Variants in RALGAPA2 observed in about 807,000 individuals in gnomAD.
The protein encoded by RALGAPA2 is ral GTPase-activating protein subunit alpha-2.
In RALGAPA2, 139 loss-of-function variants were observed where a neutral mutation model predicts 230.4. The observed-to-expected ratio is 0.60, with a 90% CI of 0.53 to 0.69. The LOEUF (loss-of-function observed/expected upper bound fraction) is 0.69. Ranked by LOEUF, RALGAPA2 falls within the 30% of genes least tolerant of loss-of-function variation. The pLI is 0.00. For missense variants in RALGAPA2, 2,163 were observed against 2,276.0 expected (o/e 0.95, Z 1.01); for synonymous variants, 847 against 837.8 (o/e 1.01, Z -0.19).
rs200385783 is a variant in RALGAPA2, at chr20:20,533,466, AC to A, written c.3474-1672del. Among the ~76,000 whole-genome samples, 1,113 of 152,312 alleles carry A rather than the reference AC, an allele frequency of 7.3e-3. 11 individuals are homozygous for A. The highest frequency in any genetic ancestry group is 0.026 in the African/African-American group (1,067 of 41,584). On this transcript the variant is annotated intron_variant, in intron 26 of 39. Transcript: ENST00000202677. ...TAGGACAATTCTAAACTTTTACGCA[AC>A]TAATCACATAGCCTCAAAATATATA...
intron 1 of RALGAPA2, among the ~76,000 whole-genome samples, chr20:20,701,994 C>T (rs758248948): frequency 9.7e-5 from 14 of 144,498 alleles, no homozygotes; most frequent in Non-Finnish European, 1.8e-4. Context: ...GAGCCAAGAT[C>T]GCACCACTGC....
intron 37 of RALGAPA2, chr20:20,471,209 T>C (rs1338682221): frequency 3.3e-5 from 5 of 152,132 alleles, no homozygotes; most frequent in Non-Finnish European, 7.4e-5. Flanking sequence ...TTCTGAATAG[T>C]ATCCTTTGAA....
At chr20:20,708,132 T>C (rs375256669) in intron 1 of RALGAPA2, among the ~76,000 whole-genome samples, 27 of 152,214 alleles carry the variant, frequency 1.8e-4, no homozygotes, top group African/African-American at 6.0e-4. Context: ...GCATTTTATA[T>C]TGATTACCTG....
intron 24 of RALGAPA2, among the ~76,000 whole-genome samples, chr20:20,545,322 G>T (rs1222559771): frequency 6.6e-6 from 1 of 151,838 alleles, no homozygotes; most frequent in Non-Finnish European, 1.5e-5. Flanking sequence ...TTGGCTTCCT[G>T]AGTCTCCTAT....
chr20:20,574,636 C>A (rs2145946371), intron 20 of RALGAPA2, among the ~76,000 whole-genome samples: 1 of 152,232 alleles, frequency 6.6e-6, no homozygotes, highest in Non-Finnish European at 1.5e-5. Flanking sequence ...AAATTTATTT[C>A]ATAGTATGTA....
At chr20:20,551,935 T>A (rs758229479) in intron 23 of RALGAPA2, among the ~76,000 whole-genome samples, 6 of 152,192 alleles carry the variant, frequency 3.9e-5, no homozygotes, top group South Asian at 2.1e-4. Flanking sequence ...TGCACAGCTA[T>A]AATTTAGTGC....
intron 27 of RALGAPA2, among the ~76,000 whole-genome samples, chr20:20,527,360 G>A (rs1020403601): frequency 2.0e-5 from 3 of 152,110 alleles, no homozygotes; most frequent in Non-Finnish European, 4.4e-5. Context: ...GCACTCAGGG[G>A]CTCTTCACAG....
chr20:20,523,824 T>C (rs1164058994), intron 30 of RALGAPA2, among the ~76,000 whole-genome samples: 2 of 152,224 alleles, frequency 1.3e-5, no homozygotes, highest in Admixed American at 6.5e-5. Flanking sequence ...ACATGTTCCA[T>C]GAAAATTGAA....
chr20:20,611,870 T>C (rs1476895925), intron 13 of RALGAPA2, among the ~76,000 whole-genome samples: 1 of 152,218 alleles, frequency 6.6e-6, no homozygotes, highest in Non-Finnish European at 1.5e-5. Context: ...GGCCTTTATT[T>C]TGGGGACACA....
At chr20:20,401,188 C>A (rs1170042352) in intron 38 of RALGAPA2, among the ~76,000 whole-genome samples, 1 of 152,128 alleles carries the variant, frequency 6.6e-6, no homozygotes, top group East Asian at 1.9e-4. Flanking sequence ...TGAATTAGAT[C>A]TCAATAAGCT....
At chr20:20,491,170 C>T (rs564886023) in intron 36 of RALGAPA2, among the ~76,000 whole-genome samples, 1 of 152,292 alleles carries the variant, frequency 6.6e-6, no homozygotes, top group East Asian at 1.9e-4. Context: ...AGAACTGGAA[C>T]TCTGGTGTCC....
intron 36 of RALGAPA2, among the ~76,000 whole-genome samples, chr20:20,492,610 C>T (rs140637093): frequency 3.9e-5 from 6 of 152,278 alleles, no homozygotes; most frequent in East Asian, 1.9e-4. Context: ...TGTAATCTAA[C>T]GAGGCGTCTG....
intron 10 of RALGAPA2, among the ~76,000 whole-genome samples, chr20:20,622,027 C>A (rs1231051393): frequency 3.3e-5 from 5 of 152,024 alleles, no homozygotes; most frequent in Non-Finnish European, 5.9e-5. Context: ...ATATCAATAT[C>A]GAGATAACTG....
At chr20:20,575,081 C>CT (rs1260178705) in intron 20 of RALGAPA2, among the ~76,000 whole-genome samples, 1 of 152,178 alleles carries the variant, frequency 6.6e-6, no homozygotes, top group Non-Finnish European at 1.5e-5. Context: ...ACCTGGTCTT[C>CT]TTTTGCTGGT....
intron 33 of RALGAPA2, among the ~76,000 whole-genome samples, chr20:20,509,513 A>G (rs1435890244): frequency 2.0e-5 from 3 of 152,184 alleles, no homozygotes. Flanking sequence ...GCCACCTAGG[A>G]AAAAAGGCCC....
At chr20:20,533,206 A>T (rs2063412421) in intron 26 of RALGAPA2, among the ~76,000 whole-genome samples, 1 of 152,086 alleles carries the variant, frequency 6.6e-6, no homozygotes, top group African/African-American at 2.4e-5. Flanking sequence ...CAGTAATTAT[A>T]ACAAACGAAA....
intron 37 of RALGAPA2, among the ~76,000 whole-genome samples, chr20:20,422,990 T>TGA (rs2060309377): frequency 6.6e-6 from 1 of 151,798 alleles, no homozygotes; most frequent in Non-Finnish European, 1.5e-5. Context: ...TCTCCGAAGG[T>TGA]TTTAAAACAG....
At chr20:20,541,520 C>T (rs190303361) in intron 24 of RALGAPA2, among the ~76,000 whole-genome samples, 1 of 152,084 alleles carries the variant, frequency 6.6e-6, no homozygotes, top group Non-Finnish European at 1.5e-5. Context: ...ACAGATATGG[C>T]CACTAAGTGA....
intron 37 of RALGAPA2, among the ~76,000 whole-genome samples, chr20:20,425,856 A>G (rs776308974): frequency 1.9e-4 from 29 of 152,276 alleles, no homozygotes; most frequent in Non-Finnish European, 3.7e-4. Context: ...AGAAGTAGCA[A>G]AAGTATGTTG....
Sources: gnomAD v4.1 joint callset for allele counts (sites outside exome capture counted in the v4.1 genomes callset) on GRCh38, gnomAD v4.1.1 for gene constraint, MANE v1.5 for transcripts, NCBI Gene and HGNC (gene_info 2026-07-23, HGNC 2026-07-21) for gene names.